Variants in HEPH observed in about 807,000 individuals in gnomAD.
HEPH encodes hephaestin.
In HEPH, 69 loss-of-function variants were observed where a neutral mutation model predicts 80.8. That is an observed-to-expected ratio of 0.85 (90% CI 0.70 to 1.04). HEPH has a LOEUF of 1.04. HEPH is among the 50% of genes least tolerant of loss of function. The pLI, the probability that HEPH is intolerant of heterozygous loss-of-function variation, is 0.00. For synonymous variants in HEPH, 431 were observed against 322.8 expected, an observed-to-expected ratio of 1.34 and a Z score of -3.60; for missense variants, 1,115 against 891.3, an observed-to-expected ratio of 1.25 and a Z score of -3.20.
chrX:66,252,759 A>G (rs1332148083), intron 15 of HEPH, among the ~76,000 whole-genome samples: 1 of 112,452 alleles, frequency 8.9e-6, no homozygotes, highest in Non-Finnish European at 1.9e-5. Context: ...GGATAGACAG[A>G]TAGATCAATA....
intron 8 of HEPH, among the ~76,000 whole-genome samples, chrX:66,194,887 G>T (rs1205749202): frequency 2.7e-5 from 3 of 112,207 alleles, no homozygotes. Flanking sequence ...TGATGTTTGA[G>T]AATCAAAATA....
chrX:66,193,203 G>C (rs1413926738), intron 7 of HEPH, among the ~76,000 whole-genome samples: 1 of 110,509 alleles, frequency 9.0e-6, no homozygotes, highest in African/African-American at 3.3e-5. Context: ...GAAATTATAA[G>C]CAAGAATATT....
intron 15 of HEPH, among the ~76,000 whole-genome samples, chrX:66,225,380 T>A (rs2089834313): frequency 9.0e-6 from 1 of 111,068 alleles, no homozygotes; most frequent in Non-Finnish European, 1.9e-5. Flanking sequence ...ACTTTTACAG[T>A]TTACACCAAA....
chrX:66,246,169 T>G (rs956688361), intron 15 of HEPH, among the ~76,000 whole-genome samples: 2 of 112,010 alleles, frequency 1.8e-5, no homozygotes, highest in Non-Finnish European at 3.8e-5. Flanking sequence ...GATTGCCCTG[T>G]TGTCTGGGTG....
At chrX:66,196,529 A>C (rs2088112971) in intron 9 of HEPH, among the ~76,000 whole-genome samples, 1 of 111,939 alleles carries the variant, frequency 8.9e-6, no homozygotes, top group Admixed American at 9.5e-5. Context: ...GTTTTTATAA[A>C]CCTTTCTTCA....
intron 15 of HEPH, among the ~76,000 whole-genome samples, chrX:66,245,013 A>G (rs1405999064): frequency 9.0e-6 from 1 of 111,052 alleles, no homozygotes; most frequent in Non-Finnish European, 1.9e-5. Flanking sequence ...TATGTGAAAA[A>G]TAGGCCAACT....
rs778676981 is a variant in HEPH at position 66,258,770 on chromosome X, TG to T, written c.2897-67del. 4.8e-5 allele frequency: 43 copies of T among 904,203 alleles called. No individual in the cohort carries two copies. In the African/African-American group the frequency reaches 8.0e-4, roughly 17 times the overall value. 74.5% of individuals were successfully genotyped at this position (904,203 alleles called of 1,213,427 possible). A position where few individuals can be genotyped will look rare whatever the true frequency, so the allele number is the denominator to read the frequency against. On this transcript the variant is annotated intron_variant, in intron 17 of 20. Transcript: ENST00000343002. ...AAGATTAGGCCTAGGATAGTGGAAA[TG>T]GGAAGTCCAAAGGAGAGATGTAAGA...
intron 8 of HEPH, 106 bp from the exon 9 acceptor site, chrX:66,194,992 C>T (rs2147742574): frequency 1.6e-6 from 1 of 643,497 alleles, no homozygotes; most frequent in Non-Finnish European, 2.2e-6. Flanking sequence ...TTTTTATTTT[C>T]TTCTTCACTT....
At position 66,230,551 on chromosome X, in the gene HEPH, T is replaced by G. The variant is rs1489321860; in HGVS notation, c.2563+22305T>G. Among the ~76,000 whole-genome samples the G allele has an allele frequency of 7.1e-3, 754 of 105,576 alleles. 31 individuals are homozygous for G. The highest frequency in any genetic ancestry group is 0.07 in the Admixed American group (685 of 9,854). 91.7% of individuals were successfully genotyped at this position (105,576 alleles called of 115,157 possible). On this transcript the variant is annotated intron_variant, in intron 15 of 20. Transcript: ENST00000343002. ...GTGATGATGAACATTTTTTCATGTG[T>G]TTTTTGGCTGCATAAATGTCTTCTT...
At chrX:66,244,439 T>G (rs2090724773) in intron 15 of HEPH, among the ~76,000 whole-genome samples, 1 of 112,115 alleles carries the variant, frequency 8.9e-6, no homozygotes, top group African/African-American at 3.2e-5. Context: ...TCAGCTTGGT[T>G]GATTCTGCTG....
chrX:66,180,920 T>A (rs1260225318), intron 4 of HEPH, among the ~76,000 whole-genome samples: 14 of 96,691 alleles, frequency 1.4e-4, no homozygotes, highest in Non-Finnish European at 2.5e-4. Flanking sequence ...ATTGTTCAAT[T>A]CCCACCTATG....
At position 66,196,922 on chromosome X, in the gene HEPH, A is replaced by G. The variant is rs773323720; in HGVS notation, c.1502-761A>G. ...TTTTTTTTTTTCAAATTTTGTCTAT[A>G]TTTTTTTTCAAGTGTTATTCCCTTT... On this transcript the variant is annotated intron_variant, in intron 9 of 20. Transcript: ENST00000343002. 3.8e-5 allele frequency among the ~76,000 whole-genome samples: 4 copies of G among 104,854 alleles called. No homozygotes were observed. In the East Asian group the frequency reaches 1.2e-3, roughly 31 times the overall value. 91.1% of individuals were successfully genotyped at this position (104,854 alleles called of 115,157 possible).
chrX:66,190,224 A>G (rs1399251860), intron 6 of HEPH, among the ~76,000 whole-genome samples: 1 of 110,074 alleles, frequency 9.1e-6, no homozygotes, highest in Non-Finnish European at 1.9e-5. Context: ...GCTTTTTATT[A>G]TTTGCTTAGA....
At position 66,192,237 on chromosome X, in the gene HEPH, T is replaced by TC. The variant is rs775257494; in HGVS notation, c.1171_1172insC (p.Trp391SerfsTer9). On this transcript the variant is annotated frameshift_variant, in exon 7 of 21. Transcript: ENST00000343002. LOFTEE classifies it high-confidence loss of function. Reference sequence around the variant, plus strand: ...CTTCATTGAGGCCCATGAGATTCAATGGGACTATGGCCCGATGGGGCATGA... The same window carrying TC: ...CTTCATTGAGGCCCATGAGATTCAATCGGGACTATGGCCCGATGGGGCATGA... The TC allele has an allele frequency of 8.3e-7, 1 of 1,209,857 alleles. No homozygotes were observed. The highest frequency in any genetic ancestry group is 1.1e-6 in the Non-Finnish European group (1 of 895,063).
chrX:66,233,252 G>C (rs757747518), intron 15 of HEPH, among the ~76,000 whole-genome samples: 2 of 111,663 alleles, frequency 1.8e-5, no homozygotes, highest in African/African-American at 6.5e-5. Context: ...ACATATGTGA[G>C]CATGCTGCAA....
chrX:66,186,167 C>T (rs1447284072), intron 4 of HEPH, among the ~76,000 whole-genome samples: 2 of 89,594 alleles, frequency 2.2e-5, no homozygotes, highest in African/African-American at 9.0e-5. Flanking sequence ...TTTGTCTGTG[C>T]CCTGCCCCCA....
At position 66,189,811 on chromosome X, in the gene HEPH, G is replaced by T. The variant is rs1292224440; in HGVS notation, c.936G>T (p.Met312Ile). 3.3e-6 allele frequency: 4 copies of T among 1,209,001 alleles called. No individual in the cohort carries two copies. The highest frequency in any genetic ancestry group is 4.5e-6 in the Non-Finnish European group (4 of 895,037). ...ACACAGCATTTTTCCATGGACAGAT[G>T]CTGACTACCCGTGGACACCACACTG... ...DVHTAFFHGQ[M>I]LTTRGHHTDV... Residue 312 changes from methionine (M) to isoleucine (I), a missense_variant, in exon 6 of 21, where the codon ATG becomes ATT. This residue lies in a region of HEPH where 391 missense variants were observed against 343.6 expected (regional missense o/e 1.14). Coordinates refer to ENST00000343002, the MANE Select transcript of HEPH (RefSeq NM_001367233.3).
At chrX:66,243,125 C>T (rs1395364600) in intron 15 of HEPH, among the ~76,000 whole-genome samples, 3 of 111,719 alleles carry the variant, frequency 2.7e-5, no homozygotes, top group African/African-American at 9.8e-5. Context: ...AAAAGTGGTA[C>T]TATTCACTAT....
intron 15 of HEPH, among the ~76,000 whole-genome samples, chrX:66,221,281 C>T (rs2089634010): frequency 8.9e-6 from 1 of 112,016 alleles, no homozygotes; most frequent in Non-Finnish European, 1.9e-5. Context: ...TCCAACACCT[C>T]TACACAGTTA....
Sources: gnomAD v4.1 joint callset for allele counts (sites outside exome capture counted in the v4.1 genomes callset) on GRCh38, gnomAD v4.1.1 for gene constraint, gnomAD v4.1.1 regional missense constraint, MANE v1.5 for transcripts, NCBI Gene and HGNC (gene_info 2026-07-23, HGNC 2026-07-21) for gene names.